Variants in ATP8A2 observed in about 807,000 individuals in gnomAD.
ATP8A2 encodes ATPase phospholipid transporting 8A2.
ATP8A2 carries 100 observed loss-of-function variants against 165.6 expected under a neutral mutation model. The ratio of observed to expected loss-of-function variants is 0.60; its 90% CI spans 0.51 to 0.71. The LOEUF is 0.71. ATP8A2 is among the 30% of genes least tolerant of loss of function. ATP8A2 has a pLI of 0.00. For missense variants in ATP8A2, 1,227 were observed against 1,479.5 expected (o/e 0.83, Z 2.80); for synonymous variants, 543 against 548.8 (o/e 0.99, Z 0.15).
chr13:25,834,502 T>A (rs1201646724), intron 28 of ATP8A2, among the ~76,000 whole-genome samples: 1 of 152,178 alleles, frequency 6.6e-6, no homozygotes, highest in South Asian at 2.1e-4. Flanking sequence ...AGAAAATGAA[T>A]GTCTGTCAGT....
intron 1 of ATP8A2, among the ~76,000 whole-genome samples, chr13:25,400,887 T>G (rs1179178361): frequency 1.3e-5 from 2 of 152,216 alleles, no homozygotes; most frequent in East Asian, 3.8e-4. Context: ...TATTTATCAC[T>G]ATGTGGAAGC....
chr13:25,488,118 A>G (rs938956816), intron 2 of ATP8A2, among the ~76,000 whole-genome samples: 4 of 152,152 alleles, frequency 2.6e-5, no homozygotes, highest in African/African-American at 9.7e-5. Flanking sequence ...TTCCTGTTTG[A>G]CAGGTTGGGT....
intron 2 of ATP8A2, among the ~76,000 whole-genome samples, chr13:25,525,482 A>G (rs910508010): frequency 2.0e-5 from 3 of 152,148 alleles, no homozygotes; most frequent in Non-Finnish European, 4.4e-5. Context: ...TATTTCTTGT[A>G]AGATGGATCT....
At chr13:25,879,445 G>A (rs982410305) in intron 33 of ATP8A2, among the ~76,000 whole-genome samples, 4 of 152,216 alleles carry the variant, frequency 2.6e-5, no homozygotes, top group African/African-American at 9.7e-5. Flanking sequence ...TGCATAGACA[G>A]TTATCATGCA....
rs562415886 is a variant in ATP8A2 at position 25,855,820 on chromosome 13, G to C, written c.2957-4375G>C. On this transcript the variant is annotated intron_variant, in intron 30 of 36. Transcript: ENST00000381655. The stretch of plus-strand genomic sequence containing the variant: ...TCTAATTTCTCCACATCTTGTTATT[G>C]TCTGTTTTTCTGTAGGCACCCCGGT... 3.9e-5 allele frequency among the ~76,000 whole-genome samples: 6 copies of C among 152,250 alleles called. No homozygotes were observed. The East Asian group carries it at 1.2e-3, about 29-fold the overall frequency.
chr13:25,968,887 G>T (rs1023561019), intron 35 of ATP8A2, among the ~76,000 whole-genome samples: 5 of 151,960 alleles, frequency 3.3e-5, no homozygotes, highest in African/African-American at 1.2e-4. Context: ...TAAGACTGGG[G>T]GTTTTATTGG....
chr13:26,008,327 G>A (rs1000500481), intron 35 of ATP8A2, among the ~76,000 whole-genome samples: 3 of 151,942 alleles, frequency 2.0e-5, no homozygotes, highest in Non-Finnish European at 4.4e-5. Flanking sequence ...GGATTTGGAA[G>A]AAAAATAAAA....
intron 33 of ATP8A2, among the ~76,000 whole-genome samples, chr13:25,934,539 C>T (rs1170587433): frequency 1.6e-4 from 25 of 152,210 alleles, no homozygotes; most frequent in Non-Finnish European, 2.9e-5. Flanking sequence ...ACAAACCATC[C>T]TCATCTACCA....
At chr13:25,693,540 A>G (rs1235370040) in intron 24 of ATP8A2, among the ~76,000 whole-genome samples, 1 of 151,966 alleles carries the variant, frequency 6.6e-6, no homozygotes, top group Non-Finnish European at 1.5e-5. Flanking sequence ...GGGCAGGGAG[A>G]AGAGAATGGA....
chr13:25,801,093 A>C (rs184870512), intron 27 of ATP8A2, among the ~76,000 whole-genome samples: 1 of 152,288 alleles, frequency 6.6e-6, no homozygotes, highest in Admixed American at 6.5e-5. Flanking sequence ...ACATACATCC[A>C]AGTTACAACG....
At chr13:25,559,663 G>C in intron 14 of ATP8A2, 58 bp from the exon 15 acceptor site, 1 of 1,276,514 alleles carries the variant, frequency 7.8e-7, no homozygotes, top group South Asian at 1.2e-5. Flanking sequence ...GTTTTGATCA[G>C]AATGTCTGTC....
chr13:25,514,246 A>G (rs544641227), intron 2 of ATP8A2, among the ~76,000 whole-genome samples: 34 of 152,176 alleles, frequency 2.2e-4, no homozygotes, highest in Non-Finnish European at 2.4e-4. Flanking sequence ...GTTTCATGTG[A>G]ATGTGTTATC....
At chr13:25,829,686 A>G (rs1390599020) in intron 28 of ATP8A2, among the ~76,000 whole-genome samples, 6 of 42,282 alleles carry the variant, frequency 1.4e-4, no homozygotes, top group African/African-American at 4.2e-4. Context: ...ATATATATAT[A>G]TATATATATA....
At chr13:25,566,567 T>C (rs1411483755) in intron 16 of ATP8A2, among the ~76,000 whole-genome samples, 3 of 152,172 alleles carry the variant, frequency 2.0e-5, no homozygotes, top group Admixed American at 6.5e-5. Flanking sequence ...CTCCGGAGAC[T>C]GCTCTTGGTC....
At position 25,563,999 on chromosome 13, in the gene ATP8A2, C is replaced by T. The variant is rs778716866; in HGVS notation, c.1441C>T (p.Pro481Ser). ...TAGTGATTCCTGTGACTTTGATGACCCCAGGCTGTTGAAGAACATTGAGGA... is the reference window on the plus strand; with the variant it reads ...TAGTGATTCCTGTGACTTTGATGACTCCAGGCTGTTGAAGAACATTGAGGA... ...PCSDSCDFDD[P>S]RLLKNIEDRH... Residue 481 changes from proline to serine, a missense_variant, in exon 16 of 37, where the codon CCC (proline) becomes TCC (serine). Transcript: ENST00000381655. 1.2e-6 allele frequency: 2 copies of T among 1,613,320 alleles called. No individual in the cohort carries two copies. The highest frequency in any genetic ancestry group is 1.3e-5 in the African/African-American group (1 of 74,948).
chr13:25,552,849 C>T (rs1296668577), intron 11 of ATP8A2, among the ~76,000 whole-genome samples: 1 of 152,010 alleles, frequency 6.6e-6, no homozygotes, highest in African/African-American at 2.4e-5. Flanking sequence ...GCCTGCTCCC[C>T]CTGTACCTTC....
chr13:25,943,333 GT>G (rs1955123518), intron 33 of ATP8A2, among the ~76,000 whole-genome samples: 1 of 152,128 alleles, frequency 6.6e-6, no homozygotes, highest in African/African-American at 2.4e-5. Context: ...ATGTAACAAC[GT>G]TTCAGTCAAC....
intron 35 of ATP8A2, among the ~76,000 whole-genome samples, chr13:25,974,617 C>A (rs897129912): frequency 6.6e-5 from 10 of 152,212 alleles, no homozygotes; most frequent in African/African-American, 2.4e-4. Context: ...CTCTCGCCAG[C>A]TTACCCCTGT....
chr13:25,658,366 G>A (rs1024678487), intron 24 of ATP8A2, among the ~76,000 whole-genome samples: 7 of 152,096 alleles, frequency 4.6e-5, no homozygotes, highest in African/African-American at 1.2e-4. Flanking sequence ...GGCCAGGCAC[G>A]GTGGCTCACA....
Sources: allele counts gnomAD v4.1 joint callset (sites outside exome capture counted in the v4.1 genomes callset), GRCh38; gene constraint gnomAD v4.1.1; transcripts MANE v1.5; gene names NCBI Gene and HGNC (gene_info 2026-07-23, HGNC 2026-07-21).